IL21R: variants seen among roughly 807,000 people sequenced by gnomAD.
The protein encoded by IL21R is interleukin 21 receptor.
A neutral mutation model predicts 41.3 loss-of-function variants in IL21R; 14 were observed. That is an observed-to-expected ratio of 0.34 (90% confidence interval 0.22 to 0.53). The LOEUF (loss-of-function observed/expected upper bound fraction) is 0.53, where lower values mean the gene tolerates loss of function less well. Among genes scored for constraint, IL21R ranks in the 20% least tolerant of loss-of-function variants. IL21R has a pLI of 0.94. For synonymous variants in IL21R, 286 were observed against 287.6 expected (o/e 0.99, Z 0.05); for missense variants, 588 against 681.6 (o/e 0.86, Z 1.53).
intron 2 of IL21R, among the ~76,000 whole-genome samples, chr16:27,432,208 C>G (rs1194681133): frequency 6.6e-6 from 1 of 152,234 alleles, no homozygotes; most frequent in Admixed American, 6.5e-5. Context: ...GTGCTGCTAT[C>G]TGTGGAGTGA....
At chr16:27,415,894 G>T (rs1311629286) in intron 1 of IL21R, among the ~76,000 whole-genome samples, 1 of 152,192 alleles carries the variant, frequency 6.6e-6, no homozygotes, top group African/African-American at 2.4e-5. Context: ...CCTTGACCTT[G>T]ACTGAATTTA....
At chr16:27,431,660 T>TC (rs908064207) in intron 2 of IL21R, among the ~76,000 whole-genome samples, 6 of 151,988 alleles carry the variant, frequency 3.9e-5, no homozygotes, top group African/African-American at 1.4e-4. Context: ...ATCTTTGCTT[T>TC]TTTTTTTTGA....
At chr16:27,420,745 C>T (rs1029911817) in intron 1 of IL21R, among the ~76,000 whole-genome samples, 4 of 152,198 alleles carry the variant, frequency 2.6e-5, no homozygotes, top group East Asian at 1.9e-4. Flanking sequence ...CTTTTTTTCC[C>T]ATGCTGTATG....
At chr16:27,429,825 T>C (rs1053926839) in intron 1 of IL21R, among the ~76,000 whole-genome samples, 9 of 152,088 alleles carry the variant, frequency 5.9e-5, no homozygotes, top group Non-Finnish European at 1.5e-5. Context: ...ATTTGTGACG[T>C]GATGGGGCGG....
chr16:27,418,438 A>C (rs544311307), intron 1 of IL21R, among the ~76,000 whole-genome samples: 23 of 146,736 alleles, frequency 1.6e-4, no homozygotes, highest in African/African-American at 5.8e-4. Flanking sequence ...TCGCGATCTC[A>C]GCTCACTGCA....
At chr16:27,441,548 T>C (rs1444161432) in intron 4 of IL21R, among the ~76,000 whole-genome samples, 4 of 152,164 alleles carry the variant, frequency 2.6e-5, no homozygotes, top group Non-Finnish European at 5.9e-5. Context: ...GCAGGCTCTG[T>C]GTAAATGGCA....
chr16:27,415,884 C>A (rs1029809973), intron 1 of IL21R, among the ~76,000 whole-genome samples: 1 of 152,162 alleles, frequency 6.6e-6, no homozygotes, highest in Non-Finnish European at 1.5e-5. Context: ...TACAAAAGTG[C>A]CTTGACCTTG....
chr16:27,404,001 C>T (rs1248916443), intron 1 of IL21R, among the ~76,000 whole-genome samples: 1 of 152,220 alleles, frequency 6.6e-6, no homozygotes, highest in Non-Finnish European at 1.5e-5. Flanking sequence ...GATTGGATGC[C>T]AGTCTGTAGG....
intron 2 of IL21R, among the ~76,000 whole-genome samples, chr16:27,432,833 T>A (rs918639720): frequency 6.6e-6 from 1 of 152,164 alleles, no homozygotes; most frequent in African/African-American, 2.4e-5. Context: ...TTGAGAAGCA[T>A]TCCGAGGTCA....
At chr16:27,436,706 T>A (rs192322149) in intron 3 of IL21R, among the ~76,000 whole-genome samples, 482 of 152,234 alleles carry the variant, frequency 3.2e-3, no homozygotes, top group South Asian at 5.8e-3. Flanking sequence ...TTCCCAGAAG[T>A]CCACCCAGAG....
chr16:27,444,599 G>C lies in IL21R; in HGVS notation c.565G>C (p.Glu189Gln). Residue 189 changes from glutamate (E) to glutamine (Q), a missense_variant, in exon 6 of 9, where the codon GAG becomes CAG. Physicochemically the swap from Glu to Gln is conservative, Grantham distance 29. Transcript: ENST00000337929. ...DSRSVSLLPLEFRKDSSYELQ... is the reference protein window; with the variant it reads ...DSRSVSLLPLQFRKDSSYELQ... ...AAGAAGTGTCTCCCTCCTCCCCCTGGAGTTCCGCAAAGACTCGAGCTATGA... is the reference window on the plus strand; with the variant it reads ...AAGAAGTGTCTCCCTCCTCCCCCTGCAGTTCCGCAAAGACTCGAGCTATGA... 3 of 1,579,900 alleles carry C rather than the reference G, an allele frequency of 1.9e-6. No homozygotes were observed. The highest frequency in any genetic ancestry group is 2.6e-6 in the Non-Finnish European group (3 of 1,163,526).
chr16:27,410,838 G>C (rs1404538575), intron 1 of IL21R, among the ~76,000 whole-genome samples: 1 of 152,138 alleles, frequency 6.6e-6, no homozygotes. Flanking sequence ...CCCTCCCCCA[G>C]TCCCTGGCAA....
chr16:27,438,291 GA>G (rs147148848), intron 4 of IL21R, among the ~76,000 whole-genome samples: 9 of 147,784 alleles, frequency 6.1e-5, no homozygotes, highest in South Asian at 4.3e-4. Context: ...CTGAGTTACA[GA>G]AAAAAAAAAC....
intron 1 of IL21R, among the ~76,000 whole-genome samples, chr16:27,421,335 CAAAAAAAA>C (rs35250936): frequency 1.2e-5 from 1 of 84,196 alleles, no homozygotes; most frequent in Non-Finnish European, 2.2e-5. Flanking sequence ...TCAATTTCTG[CAAAAAAAA>C]AAAAAAAAAA....
At chr16:27,432,037 G>A (rs1215381045) in intron 2 of IL21R, among the ~76,000 whole-genome samples, 1 of 152,236 alleles carries the variant, frequency 6.6e-6, no homozygotes. Flanking sequence ...TGAATGTTGG[G>A]TTCGTCCAGC....
In IL21R at chr16:27,448,573, C is replaced by G; in HGVS notation, c.907C>G (p.Leu303Val). ...GAPFTGSSLE[L>V]GPWSPEVPST... ...ACCCTTCACTGGCTCCAGCCTGGAG[C>G]TGGGACCCTGGAGCCCAGAGGTGCC... The change falls in exon 9 of 9, where the codon CTG (leucine) becomes GTG (valine). Residue 303 changes from leucine (L) to valine (V), a missense_variant. By Grantham distance (32) the Leu-to-Val change is conservative. Transcript: ENST00000337929. 6.2e-7 allele frequency: 1 copy of G among 1,611,566 alleles called. No homozygotes were observed. Among genetic ancestry groups the G allele is most frequent in the African/African-American group, 1.3e-5 (1 of 75,032 alleles).
At chr16:27,432,159 G>A (rs1405507309) in intron 2 of IL21R, among the ~76,000 whole-genome samples, 2 of 152,232 alleles carry the variant, frequency 1.3e-5, no homozygotes, top group Non-Finnish European at 2.9e-5. Flanking sequence ...TTTCTGGGGA[G>A]ACACAGACGT....
rs3093335 is a variant in IL21R at position 27,435,859 on chromosome 16, C to T, written c.152+1410C>T. ...TCTCGGCTCACTGCAACCTCCACCT[C>T]CTGGGTTCAAGCAATTCTCCTGCCT... is the stretch of plus-strand genomic sequence containing the variant. On this transcript the variant is annotated intron_variant, in intron 3 of 8. Coordinates refer to ENST00000337929, the MANE Select transcript of IL21R (RefSeq NM_181078.3). 1.9e-3 allele frequency among the ~76,000 whole-genome samples: 282 copies of T among 152,232 alleles called. 2 individuals are homozygous for T. The highest frequency in any genetic ancestry group is 6.5e-3 in the African/African-American group (269 of 41,506).
rs3093314 is a variant in IL21R at position 27,432,582 on chromosome 16, C to T, written c.50-1765C>T. ...CCTGGCTAGGAATGGTAGCTCCTCT[C>T]CAAATTCCCAGAGCTCTGAGAAAGA... is the stretch of plus-strand genomic sequence containing the variant. On this transcript the variant is annotated intron_variant, in intron 2 of 8. Transcript: ENST00000337929. Among the ~76,000 whole-genome samples, 471 of 152,312 alleles carry T rather than the reference C, an allele frequency of 3.1e-3. 5 individuals are homozygous for T. The highest frequency in any genetic ancestry group is 0.017 in the Middle Eastern group (5 of 294).
Sources: gnomAD v4.1 joint callset for allele counts (sites outside exome capture counted in the v4.1 genomes callset) on GRCh38, gnomAD v4.1.1 for gene constraint, MANE v1.5 for transcripts, NCBI Gene and HGNC (gene_info 2026-07-23, HGNC 2026-07-21) for gene names.